The following MOCS1 variants were observed in gnomAD, a reference collection of about 807,000 sequenced individuals.
The protein encoded by MOCS1 is molybdenum cofactor biosynthesis protein 1.
A neutral mutation model predicts 57.6 loss-of-function variants in MOCS1; 39 were observed. That is an observed-to-expected ratio of 0.68 (90% CI 0.52 to 0.88). The LOEUF (loss-of-function observed/expected upper bound fraction) is 0.88, where lower values mean the gene tolerates loss of function less well. Ranked by LOEUF, MOCS1 falls within the 40% of genes least tolerant of loss-of-function variation. MOCS1 has a pLI of 0.00. For missense variants in MOCS1, 795 were observed against 831.1 expected (o/e 0.96, Z 0.53); for synonymous variants, 334 against 335.7 (o/e 1.00, Z 0.05).
intron 1 of MOCS1, among the ~76,000 whole-genome samples, chr6:39,928,400 G>C (rs1207643814): frequency 6.6e-6 from 1 of 152,064 alleles, no homozygotes; most frequent in African/African-American, 2.4e-5. Context: ...TCCTGACCTC[G>C]TGATCCACCT....
intron 3 of MOCS1, among the ~76,000 whole-genome samples, chr6:39,921,321 C>T (rs941060058): frequency 1.3e-5 from 2 of 151,798 alleles, no homozygotes; most frequent in African/African-American, 4.8e-5. Flanking sequence ...ATGGCGTGAA[C>T]CTGGGAGGCA....
At position 39,907,018 on chromosome 6, in the gene MOCS1, G is replaced by A. The variant is rs1767002046; in HGVS notation, c.1250C>T (p.Ser417Phe). 1.9e-6 allele frequency: 3 copies of A among 1,613,834 alleles called. No homozygotes were observed. Among genetic ancestry groups the A allele is most frequent in the Non-Finnish European group, 1.7e-6 (2 of 1,179,880 alleles). The change falls in exon 11 of 11, where the codon TCC becomes TTC. Residue 417 changes from serine to phenylalanine, a missense_variant. By Grantham distance (155) the Ser-to-Phe change is radical. This residue lies in a region of MOCS1 where 374 missense variants were observed against 422.6 expected (regional missense o/e 0.89). Coordinates refer to ENST00000340692, the MANE Select transcript of MOCS1 (RefSeq NM_001358530.2). ...VQGLRPRMSFSSQVATLWKGC... is the reference protein window; with the variant it reads ...VQGLRPRMSFFSQVATLWKGC... The stretch of plus-strand genomic sequence containing the variant: ...TTTCCATAAAGTGGCCACCTGGCTG[G>A]AGAAACTCATTCTGGGTCTTAGACC...
chr6:39,925,861 A>T lies in MOCS1; in HGVS notation c.251-16T>A, dbSNP rs746413193. On this transcript the variant is annotated splice_polypyrimidine_tract_variant and intron_variant, in intron 2 of 10. Transcript: ENST00000340692. ...CAGTACTGACCTGAGGGAAGGATGAATGGGAATGTGGAGGGAGGAAAGAGG... is the reference window on the plus strand; with the variant it reads ...CAGTACTGACCTGAGGGAAGGATGATTGGGAATGTGGAGGGAGGAAAGAGG... 6.2e-7 allele frequency: 1 copy of T among 1,603,470 alleles called. No individual in the cohort carries two copies. The highest frequency in any genetic ancestry group is 8.5e-7 in the Non-Finnish European group (1 of 1,173,314).
intron 6 of MOCS1, 45 bp from the exon 7 acceptor site, chr6:39,913,049 G>A: frequency 6.5e-7 from 1 of 1,549,422 alleles, no homozygotes; most frequent in Non-Finnish European, 8.9e-7. Flanking sequence ...CTGAATCACA[G>A]TTGAAGGGGC....
intron 10 of MOCS1, 110 bp from the exon 11 acceptor site, chr6:39,907,227 C>T (rs1379238081): frequency 3.6e-5 from 43 of 1,180,850 alleles, no homozygotes; most frequent in African/African-American, 2.0e-4. Context: ...TCTTTCATAC[C>T]GGGGAAAGAG....
chr6:39,920,712 C>T (rs1486222236), intron 3 of MOCS1, among the ~76,000 whole-genome samples: 2 of 152,188 alleles, frequency 1.3e-5, no homozygotes, highest in Non-Finnish European at 2.9e-5. Flanking sequence ...GGTGTGGTGG[C>T]TCATGCCTGT....
At position 39,905,253 on chromosome 6, in the gene MOCS1, T is replaced by G. The variant is rs1041903662; in HGVS notation, c.*1104A>C. On this transcript the variant is annotated 3_prime_UTR_variant, in exon 11 of 11. Transcript: ENST00000340692. Reference sequence around the variant, plus strand: ...CTCTGATCTCTCTAATAGCTGGTAATGCAAGCAATGAGCTTTGAACACCCC... The same window carrying G: ...CTCTGATCTCTCTAATAGCTGGTAAGGCAAGCAATGAGCTTTGAACACCCC... 6.6e-6 allele frequency: 3 copies of G among 454,272 alleles called. No homozygotes were observed. The East Asian group carries it at 2.1e-4, about 32-fold the overall frequency. 28.1% of individuals were successfully genotyped at this position (454,272 alleles called of 1,614,324 possible).
In MOCS1 at chr6:39,906,581, G is replaced by C. The variant is rs777476892; in HGVS notation, c.1687C>G (p.Gln563Glu). The C allele has an allele frequency of 6.4e-5, 103 of 1,613,734 alleles. No individual in the cohort carries two copies. The highest frequency in any genetic ancestry group is 4.9e-4 in the Middle Eastern group (3 of 6,074). Residue 563 changes from glutamine (Q) to glutamate (E), a missense_variant, in exon 11 of 11, where the codon CAG (glutamine) becomes GAG (glutamate). Transcript: ENST00000340692. ...GTGCTGTCCAGCTCCAGCTGCACCT[G>C]GATGTGGCTCAGGGCCACGTGGTGG... is the stretch of plus-strand genomic sequence containing the variant. ...LCHHVALSHI[Q>E]VQLELDSTRH...
At position 39,905,630 on chromosome 6, in the gene MOCS1, C is replaced by T. The variant is rs143714234; in HGVS notation, c.*727G>A. 2.1e-6 allele frequency: 1 copy of T among 471,058 alleles called. No homozygotes were observed. Among genetic ancestry groups the T allele is most frequent in the South Asian group, 1.5e-5 (1 of 64,566 alleles). 29.2% of individuals were successfully genotyped at this position (471,058 alleles called of 1,614,324 possible). A position where few individuals can be genotyped will look rare whatever the true frequency, so the allele number is the denominator to read the frequency against. On this transcript the variant is annotated 3_prime_UTR_variant, in exon 11 of 11. Coordinates refer to ENST00000340692, the MANE Select transcript of MOCS1 (RefSeq NM_001358530.2). ...CCAGAATAAAGAGGGGTGGGTGGAACAGCCGTGAACAGGGCCAGGTGTGGG... is the reference window on the plus strand; with the variant it reads ...CCAGAATAAAGAGGGGTGGGTGGAATAGCCGTGAACAGGGCCAGGTGTGGG...
At position 39,904,274 on chromosome 6, in the gene MOCS1, A is replaced by ATAT. The variant is rs1404722735; in HGVS notation, c.*2080_*2082dup. 8 of 456,626 alleles carry ATAT rather than the reference A, an allele frequency of 1.8e-5. No homozygotes were observed. Among genetic ancestry groups the ATAT allele is most frequent in the Admixed American group, 9.4e-5 (4 of 42,558 alleles). The allele number at this position is 456,626 out of a possible 1,614,324, so 28.3% of individuals were successfully genotyped here. ...TCAGCCTTCTCACTCTAAAAGAAAG[A>ATAT]TATTTTTCTATTTATTTTCTACATC... On this transcript the variant is annotated 3_prime_UTR_variant, in exon 11 of 11. Coordinates refer to ENST00000340692, the MANE Select transcript of MOCS1 (RefSeq NM_001358530.2).
At position 39,934,432 on chromosome 6, in the gene MOCS1, G is replaced by C; in HGVS notation, c.-15C>G. ...CGCGCCGCCATGAAGCCTGATACGA[G>C]CGGAACCGCAGCCCGCTTCGGGAGC... On this transcript the variant is annotated 5_prime_UTR_variant, in exon 1 of 11. Coordinates refer to ENST00000340692, the MANE Select transcript of MOCS1 (RefSeq NM_001358530.2). 1 of 1,565,458 alleles carries C rather than the reference G, an allele frequency of 6.4e-7. No individual in the cohort carries two copies. The highest frequency in any genetic ancestry group is 8.6e-7 in the Non-Finnish European group (1 of 1,161,910).
In MOCS1 at chr6:39,931,397, C is replaced by T. The variant is rs1366714956; in HGVS notation, c.123+2898G>A. On this transcript the variant is annotated intron_variant, in intron 1 of 10. Coordinates refer to ENST00000340692, the MANE Select transcript of MOCS1 (RefSeq NM_001358530.2). Reference sequence around the variant, plus strand: ...AAAAGCACATTCCAAATCTAAGTATCGTGGCCCTGATTTACCCTGCTATTG... The same window carrying T: ...AAAAGCACATTCCAAATCTAAGTATTGTGGCCCTGATTTACCCTGCTATTG... 2.6e-5 allele frequency among the ~76,000 whole-genome samples: 4 copies of T among 151,810 alleles called. No homozygotes were observed. In the South Asian group the frequency reaches 6.2e-4, roughly 24 times the overall value.
Position 39,905,366 on chromosome 6 carries a change from G to GAGAGT in MOCS1, c.*986_*990dup. ...TATTTTCCCATAGCGGGGCTATACAGAGAGTACACCCTTAGGCCTTTCCAG... is the reference window on the plus strand; with the variant it reads ...TATTTTCCCATAGCGGGGCTATACAGAGAGTAGAGTACACCCTTAGGCCTTTCCAG... On this transcript the variant is annotated 3_prime_UTR_variant, in exon 11 of 11. Transcript: ENST00000340692. 1 of 462,218 alleles carries GAGAGT rather than the reference G, an allele frequency of 2.2e-6. No homozygotes were observed. The highest frequency in any genetic ancestry group is 4.4e-6 in the Non-Finnish European group (1 of 226,976). 28.6% of individuals were successfully genotyped at this position (462,218 alleles called of 1,614,324 possible).
At chr6:39,933,269 T>C (rs1267593378) in intron 1 of MOCS1, among the ~76,000 whole-genome samples, 1 of 152,160 alleles carries the variant, frequency 6.6e-6, no homozygotes, top group Non-Finnish European at 1.5e-5. Context: ...AAGTCCCTTT[T>C]CTTGAATTCT....
At chr6:39,909,987 T>C in intron 8 of MOCS1, 32 bp from the exon 9 acceptor site, 1 of 1,610,472 alleles carries the variant, frequency 6.2e-7, no homozygotes, top group Non-Finnish European at 8.5e-7. Context: ...ATGCCTTCCT[T>C]ACCCCTGAGC....
At chr6:39,909,687 C>A in intron 9 of MOCS1, 148 bp downstream of exon 9, 2 of 1,098,028 alleles carry the variant, frequency 1.8e-6, no homozygotes, top group Non-Finnish European at 2.7e-6. Context: ...AGAGGGCCAA[C>A]AGCAGTGAGT....
At chr6:39,911,466 T>C (rs1368622721) in intron 8 of MOCS1, among the ~76,000 whole-genome samples, 1 of 152,218 alleles carries the variant, frequency 6.6e-6, no homozygotes, top group African/African-American at 2.4e-5. Flanking sequence ...GGCCACCTAA[T>C]TGGTCTTCCT....
intron 4 of MOCS1, 73 bp downstream of exon 4, chr6:39,915,995 C>A: frequency 6.6e-7 from 1 of 1,514,950 alleles, no homozygotes; most frequent in Non-Finnish European, 9.0e-7. Context: ...GCCCCTGGCT[C>A]AGCAATGGCC....
intron 8 of MOCS1, among the ~76,000 whole-genome samples, chr6:39,910,235 T>C (rs542890174): frequency 6.6e-6 from 1 of 152,342 alleles, no homozygotes; most frequent in South Asian, 2.1e-4. Context: ...CCAACAGAGA[T>C]AGCATGTAAA....
Sources: gnomAD v4.1 joint callset for allele counts (sites outside exome capture counted in the v4.1 genomes callset) on GRCh38, gnomAD v4.1.1 for gene constraint, gnomAD v4.1.1 regional missense constraint, MANE v1.5 for transcripts, NCBI Gene and HGNC (gene_info 2026-07-23, HGNC 2026-07-21) for gene names.